The following SGMS2 variants were observed in gnomAD, a reference collection of about 807,000 sequenced individuals.
SGMS2 encodes the protein phosphatidylcholine:ceramide cholinephosphotransferase 2.
Under a neutral mutation model 43.8 loss-of-function variants are expected in SGMS2, and 21 were observed. The observed-to-expected ratio is 0.48, with a 90% confidence interval of 0.34 to 0.69. The LOEUF is 0.69. SGMS2 is among the 30% of genes least tolerant of loss of function. The probability of loss-of-function intolerance (pLI) is 0.01; values close to 1 mark genes in which losing one functional copy is unlikely to be tolerated. For synonymous variants in SGMS2, 167 were observed against 160.6 expected, an observed-to-expected ratio of 1.04 and a Z score of -0.30; for missense variants, 384 against 443.2, an observed-to-expected ratio of 0.87 and a Z score of 1.20.
At chr4:107,898,178 C>T (rs919654757) in intron 3 of SGMS2, among the ~76,000 whole-genome samples, 1 of 151,868 alleles carries the variant, frequency 6.6e-6, no homozygotes, top group Admixed American at 6.6e-5. Context: ...CCAGGAAAGG[C>T]AGAACTAGAA....
At chr4:107,853,285 T>G (rs1478075770) in intron 1 of SGMS2, among the ~76,000 whole-genome samples, 1 of 152,218 alleles carries the variant, frequency 6.6e-6, no homozygotes, top group Non-Finnish European at 1.5e-5. Context: ...GTTTCTTGGA[T>G]ATTTTAATTC....
At chr4:107,856,103 T>G (rs917780022) in intron 1 of SGMS2, among the ~76,000 whole-genome samples, 1 of 152,196 alleles carries the variant, frequency 6.6e-6, no homozygotes, top group Non-Finnish European at 1.5e-5. Context: ...CCACTACACC[T>G]TGTGATCAAG....
intron 2 of SGMS2, among the ~76,000 whole-genome samples, chr4:107,871,498 T>A (rs1347777169): frequency 8.5e-5 from 13 of 152,186 alleles, no homozygotes; most frequent in African/African-American, 2.9e-4. Context: ...GAATCAAAAA[T>A]GCCTTGAGGA....
intron 2 of SGMS2, among the ~76,000 whole-genome samples, chr4:107,870,751 C>T (rs1728502386): frequency 6.6e-6 from 1 of 152,074 alleles, no homozygotes; most frequent in South Asian, 2.1e-4. Context: ...AACAAAAACT[C>T]ATTTTCTAGG....
chr4:107,864,867 A>G (rs1268914053), intron 2 of SGMS2, among the ~76,000 whole-genome samples: 1 of 152,156 alleles, frequency 6.6e-6, no homozygotes, highest in South Asian at 2.1e-4. Context: ...ATAACTTCCT[A>G]TAAGTGTATG....
intron 1 of SGMS2, among the ~76,000 whole-genome samples, chr4:107,855,901 T>C (rs1727398704): frequency 1.3e-5 from 2 of 152,180 alleles, no homozygotes; most frequent in South Asian, 4.1e-4. Context: ...TATTTATAGA[T>C]GAGGGAACTA....
intron 1 of SGMS2, among the ~76,000 whole-genome samples, chr4:107,831,485 G>A (rs1725889026): frequency 1.3e-5 from 2 of 152,124 alleles, no homozygotes; most frequent in South Asian, 2.1e-4. Context: ...GTGACTATAC[G>A]AATTACATGG....
intron 1 of SGMS2, among the ~76,000 whole-genome samples, chr4:107,854,402 G>A (rs953879121): frequency 1.3e-5 from 2 of 152,188 alleles, no homozygotes; most frequent in African/African-American, 4.8e-5. Flanking sequence ...CTGTTAGGTG[G>A]AGCCTGAGAT....
In SGMS2 at chr4:107,824,983, G is replaced by A. The variant is rs1725485776; in HGVS notation, c.-597G>A. ...GGGGCGGGGAGACCCAGCCCTCGGC[G>A]CGCACGGAGCCTGGCCGGTGCTGCA... On this transcript the variant is annotated 5_prime_UTR_variant, in exon 1 of 7. Coordinates refer to ENST00000690982, the MANE Select transcript of SGMS2 (RefSeq NM_001375905.1). 1 of 151,370 alleles carries A rather than the reference G, an allele frequency of 6.6e-6. No individual in the cohort carries two copies. The highest frequency in any genetic ancestry group is 2.4e-5 in the African/African-American group (1 of 41,312). The allele number at this position is 151,370 out of a possible 1,614,324, so 9.4% of individuals were successfully genotyped here. A position where few individuals can be genotyped will look rare whatever the true frequency, so the allele number is the denominator to read the frequency against.
At chr4:107,853,459 C>T (rs1727263231) in intron 1 of SGMS2, among the ~76,000 whole-genome samples, 1 of 152,174 alleles carries the variant, frequency 6.6e-6, no homozygotes, top group African/African-American at 2.4e-5. Flanking sequence ...TTCTCCCTCC[C>T]CCTCAGTCAC....
intron 2 of SGMS2, chr4:107,867,924 T>C (rs917349074): frequency 3.9e-5 from 6 of 152,220 alleles, no homozygotes; most frequent in Non-Finnish European, 8.8e-5. Context: ...CTATATAAAT[T>C]TAAATCATTA....
chr4:107,831,140 G>T (rs6844627), intron 1 of SGMS2, among the ~76,000 whole-genome samples: 152,228 of 152,270 alleles, frequency 1, 76,093 homozygotes, highest in Middle Eastern at 1. Context: ...AGAGCAGGGA[G>T]TTGAGGCCAG....
chr4:107,863,626 C>T (rs1440755208), intron 2 of SGMS2: 6 of 152,160 alleles, frequency 3.9e-5, no homozygotes, highest in Admixed American at 3.3e-4. Flanking sequence ...GGTTATGCAG[C>T]GGAAAGGCCA....
chr4:107,834,487 G>C (rs1350758388), intron 1 of SGMS2, among the ~76,000 whole-genome samples: 2 of 152,222 alleles, frequency 1.3e-5, no homozygotes, highest in South Asian at 2.1e-4. Context: ...ATTTGTTTAG[G>C]GTGAAATGAT....
In SGMS2 at chr4:107,845,091, A is replaced by G. The variant is rs529912256; in HGVS notation, c.-326-13381A>G. Among the ~76,000 whole-genome samples, 16 of 152,326 alleles carry G rather than the reference A, an allele frequency of 1.1e-4. 1 individual carries two copies. In the South Asian group the frequency reaches 2.7e-3, roughly 26 times the overall value. On this transcript the variant is annotated intron_variant, in intron 1 of 6. Coordinates refer to ENST00000690982, the MANE Select transcript of SGMS2 (RefSeq NM_001375905.1). ...TTTGCTGAGCCAGGAAGGGAAACTA[A>G]TCAGGAAAAATGAGACAAGAGGCTA...
intron 1 of SGMS2, among the ~76,000 whole-genome samples, chr4:107,827,337 A>C (rs148084751): frequency 3.4e-3 from 512 of 152,304 alleles, no homozygotes; most frequent in Non-Finnish European, 5.4e-3. Flanking sequence ...AATGCAAACG[A>C]AGGAGATAGT....
rs552300913 is a variant in SGMS2, at chr4:107,912,862, G to A, written c.*2309G>A. ...CATTGCCGCTGCCATGTCTTTACAC[G>A]CATGTGTCGTATAGCTCTGTCATCG... On this transcript the variant is annotated 3_prime_UTR_variant, in exon 7 of 7. Transcript: ENST00000690982. The A allele has an allele frequency of 5.3e-5, 8 of 152,092 alleles. No homozygotes were observed. The highest frequency in any genetic ancestry group is 8.8e-5 in the Non-Finnish European group (6 of 68,004). The allele number at this position is 152,092 out of a possible 1,614,324, so 9.4% of individuals were successfully genotyped here.
At chr4:107,873,089 A>T (rs540989005) in intron 2 of SGMS2, among the ~76,000 whole-genome samples, 1 of 152,340 alleles carries the variant, frequency 6.6e-6, no homozygotes, top group South Asian at 2.1e-4. Flanking sequence ...TTCTGATTAC[A>T]GCTTAAATTA....
At chr4:107,826,214 C>T (rs939502710) in intron 1 of SGMS2, among the ~76,000 whole-genome samples, 3 of 152,208 alleles carry the variant, frequency 2.0e-5, no homozygotes, top group African/African-American at 7.2e-5. Flanking sequence ...TGGTACAAAG[C>T]AGACCCCAAC....
Sources: gnomAD v4.1 joint callset for allele counts (sites outside exome capture counted in the v4.1 genomes callset) on GRCh38, gnomAD v4.1.1 for gene constraint, MANE v1.5 for transcripts, NCBI Gene and HGNC (gene_info 2026-07-23, HGNC 2026-07-21) for gene names.